The following MKNK2 variants were observed in gnomAD, a reference collection of about 807,000 sequenced individuals.
MKNK2 encodes MAP kinase-interacting serine/threonine-protein kinase 2.
A neutral mutation model predicts 55.0 loss-of-function variants in MKNK2; 54 were observed. The observed-to-expected ratio is 0.98, with a 90% CI of 0.79 to 1.23. The LOEUF is 1.23. Ranked by LOEUF, MKNK2 falls within the 50% of genes most tolerant of loss-of-function variation. MKNK2 has a pLI of 0.00. For missense variants in MKNK2, 685 were observed against 632.1 expected, an observed-to-expected ratio of 1.08 and a Z score of -0.90; for synonymous variants, 323 against 256.0, an observed-to-expected ratio of 1.26 and a Z score of -2.50.
intron 12 of MKNK2, 61 bp from the exon 13 acceptor site, chr19:2,040,238 G>T: frequency 7.0e-7 from 1 of 1,420,634 alleles, no homozygotes; most frequent in African/African-American, 1.4e-5. Context: ...GGGGCGCTGG[G>T]TGGGGTGTCT....
intron 13 of MKNK2, 116 bp downstream of exon 13, chr19:2,040,018 C>G: frequency 7.1e-7 from 1 of 1,403,514 alleles, no homozygotes; most frequent in Non-Finnish European, 9.9e-7. Context: ...CACTGAGTCA[C>G]CAGGCTTGCC....
Position 2,043,585 on chromosome 19 carries a change from G to C in MKNK2, c.340-3C>G, listed in dbSNP as rs111268983. 1 of 1,613,840 alleles carries C rather than the reference G, an allele frequency of 6.2e-7. No individual in the cohort carries two copies. The highest frequency in any genetic ancestry group is 8.5e-7 in the Non-Finnish European group (1 of 1,179,882). ...TGGCCTGGCTGCTTCTCAATGATCT[G>C]AAACAGGCGAAAGGACACAGCACCT... On this transcript the variant is annotated splice_polypyrimidine_tract_variant and splice_region_variant and intron_variant, in intron 5 of 13. Transcript: ENST00000250896.
intron 5 of MKNK2, 71 bp from the exon 6 acceptor site, chr19:2,043,653 C>A: frequency 7.4e-7 from 1 of 1,355,890 alleles, no homozygotes; most frequent in Non-Finnish European, 1.0e-6. Flanking sequence ...CCAGAAACTC[C>A]ACTGCCACGG....
chr19:2,046,824 G>T, intron 2 of MKNK2, 133 bp from the exon 3 acceptor site: 1 of 649,182 alleles, frequency 1.5e-6, no homozygotes, highest in Non-Finnish European at 2.5e-6. Flanking sequence ...AATCAACTCC[G>T]TCCCCGCTCA....
intron 2 of MKNK2, among the ~76,000 whole-genome samples, chr19:2,047,690 G>A (rs1763346399): frequency 6.6e-6 from 1 of 152,068 alleles, no homozygotes; most frequent in Non-Finnish European, 1.5e-5. Flanking sequence ...CTGGGCCTCA[G>A]TTTCCCCCAT....
chr19:2,038,852 G>C lies in MKNK2; in HGVS notation c.*761C>G. ...CTGCTGTCTCAGGCCTTGGTGTGGA[G>C]GGGAGGGGCAGCGGCGAGCCCCTGG... On this transcript the variant is annotated 3_prime_UTR_variant, in exon 14 of 14. Coordinates refer to ENST00000250896, the MANE Select transcript of MKNK2 (RefSeq NM_199054.3). 1.0e-6 allele frequency: 1 copy of C among 985,740 alleles called. No individual in the cohort carries two copies. Among genetic ancestry groups the C allele is most frequent in the African/African-American group, 1.7e-5 (1 of 57,352 alleles). The allele number at this position is 985,740 out of a possible 1,614,324, so 61.1% of individuals were successfully genotyped here.
At chr19:2,048,815 C>A (rs574952798) in intron 2 of MKNK2, among the ~76,000 whole-genome samples, 1 of 152,242 alleles carries the variant, frequency 6.6e-6, no homozygotes, top group Admixed American at 6.5e-5. Context: ...CTCCAACTAG[C>A]CCCCATGGGA....
intron 5 of MKNK2, among the ~76,000 whole-genome samples, chr19:2,045,973 A>G (rs761295189): frequency 1.2e-4 from 18 of 152,188 alleles, no homozygotes; most frequent in Non-Finnish European, 2.4e-4. Flanking sequence ...AGGGGACCCA[A>G]TGGGCACAGT....
rs1268901958 is a variant in MKNK2, at chr19:2,042,814, C to G, written c.550G>C (p.Val184Leu). Reference sequence around the variant, plus strand: ...GCGCTGGCCACGTCCTGCACCACCACGCTGGCCTCCAGCTCGTTGAAGTGC... The same window carrying G: ...GCGCTGGCCACGTCCTGCACCACCAGGCTGGCCTCCAGCTCGTTGAAGTGC... Reference protein sequence around the residue: ...RRHFNELEASVVVQDVASALD... With the variant: ...RRHFNELEASLVVQDVASALD... Residue 184 changes from valine to leucine, a missense_variant, in exon 8 of 14, where the codon GTG (valine) becomes CTG (leucine). Val to Leu is a conservative substitution (Grantham distance 32). Coordinates refer to ENST00000250896, the MANE Select transcript of MKNK2 (RefSeq NM_199054.3). 7 of 1,581,098 alleles carry G rather than the reference C, an allele frequency of 4.4e-6. No homozygotes were observed. Among genetic ancestry groups the G allele is most frequent in the Non-Finnish European group, 6.0e-6 (7 of 1,163,030 alleles).
At chr19:2,050,154 C>T (rs1240851599) in intron 2 of MKNK2, among the ~76,000 whole-genome samples, 2 of 152,206 alleles carry the variant, frequency 1.3e-5, no homozygotes, top group Admixed American at 1.3e-4. Flanking sequence ...GAAACCAGCA[C>T]TCAACAGCAG....
At position 2,039,512 on chromosome 19, in the gene MKNK2, G is replaced by T. The variant is rs561755800; in HGVS notation, c.*101C>A. Reference sequence around the variant, plus strand: ...AGCTTAGTGCCTGGGAATCCAGGCAGAGGAGGGGCAGCCCGCTGGACACCG... The same window carrying T: ...AGCTTAGTGCCTGGGAATCCAGGCATAGGAGGGGCAGCCCGCTGGACACCG... On this transcript the variant is annotated 3_prime_UTR_variant, in exon 14 of 14. Transcript: ENST00000250896. The T allele has an allele frequency of 9.0e-3, 13,156 of 1,466,936 alleles. 70 individuals are homozygous for T. The highest frequency in any genetic ancestry group is 0.01 in the Non-Finnish European group (11,175 of 1,106,968). 90.9% of individuals were successfully genotyped at this position (1,466,936 alleles called of 1,614,324 possible). A position where few individuals can be genotyped will look rare whatever the true frequency, so the allele number is the denominator to read the frequency against.
chr19:2,050,577 A>G (rs2017093183), intron 2 of MKNK2, among the ~76,000 whole-genome samples: 1 of 152,292 alleles, frequency 6.6e-6, no homozygotes, highest in Non-Finnish European at 1.5e-5. Flanking sequence ...TCCTGGAGGA[A>G]GGACCCGGCG....
At position 2,038,381 on chromosome 19, in the gene MKNK2, G is replaced by A. The variant is rs1221132242; in HGVS notation, c.*1232C>T. 7 of 986,116 alleles carry A rather than the reference G, an allele frequency of 7.1e-6. No individual in the cohort carries two copies. The highest frequency in any genetic ancestry group is 9.3e-5 in the South Asian group (2 of 21,426). The allele number at this position is 986,116 out of a possible 1,614,324, so 61.1% of individuals were successfully genotyped here. ...AAGGGCGGGCGGTGACCCTAGCCGC[G>A]CGCACTTCTAAAGTGGAACCCTGTA... On this transcript the variant is annotated 3_prime_UTR_variant, in exon 14 of 14. Coordinates refer to ENST00000250896, the MANE Select transcript of MKNK2 (RefSeq NM_199054.3).
chr19:2,047,098 G>A (rs964876076), intron 2 of MKNK2, among the ~76,000 whole-genome samples: 91 of 152,206 alleles, frequency 6.0e-4, no homozygotes, highest in African/African-American at 2.2e-3. Context: ...CATGTGGAAG[G>A]CGTGAGGCCT....
rs770094960 is a variant in MKNK2, at chr19:2,042,887, A to AGGGCG, written c.494-18_494-17insCGCCC. 1.0e-4 allele frequency: 163 copies of AGGGCG among 1,555,186 alleles called. No homozygotes were observed. The highest frequency in any genetic ancestry group is 1.3e-4 in the Non-Finnish European group (151 of 1,149,450). ...GGATGGAGCCTGGGCAGGGCAGGGC[A>AGGGCG]GGGCAGGACAGGGGGAACACGCAGG... On this transcript the variant is annotated splice_polypyrimidine_tract_variant and intron_variant, in intron 7 of 13. Transcript: ENST00000250896.
At chr19:2,048,348 T>C (rs928464964) in intron 2 of MKNK2, among the ~76,000 whole-genome samples, 1 of 152,058 alleles carries the variant, frequency 6.6e-6, no homozygotes, top group Non-Finnish European at 1.5e-5. Context: ...GTGGCATACA[T>C]ATGTACGTTT....
chr19:2,040,624 C>G, intron 12 of MKNK2: 1 of 281,438 alleles, frequency 3.6e-6, no homozygotes, highest in Non-Finnish European at 6.8e-6. Flanking sequence ...CAGCTCAGCT[C>G]AGATGACCTC....
intron 2 of MKNK2, among the ~76,000 whole-genome samples, chr19:2,047,373 C>T (rs1464765338): frequency 6.6e-6 from 1 of 152,184 alleles, no homozygotes; most frequent in African/African-American, 2.4e-5. Context: ...AGACCTCCTC[C>T]CACCTGCAGA....
At chr19:2,046,161 T>C in intron 5 of MKNK2, 25 bp downstream of exon 5, 1 of 1,602,712 alleles carries the variant, frequency 6.2e-7, no homozygotes, top group African/African-American at 1.3e-5. Flanking sequence ...GGCGCTGGGT[T>C]CCCCAGGGCG....
Sources: gnomAD v4.1 joint callset for allele counts (sites outside exome capture counted in the v4.1 genomes callset) on GRCh38, gnomAD v4.1.1 for gene constraint, MANE v1.5 for transcripts, NCBI Gene and HGNC (gene_info 2026-07-23, HGNC 2026-07-21) for gene names.